Variants in EYS observed in about 807,000 individuals in gnomAD.
The protein encoded by EYS is EGF-like photoreceptor maintenance factor.
In EYS, 250 loss-of-function variants were observed where a neutral mutation model predicts 282.1. The observed-to-expected ratio is 0.89, with a 90% CI of 0.80 to 0.98. The LOEUF is 0.98. Among genes scored for constraint, EYS ranks in the 50% least tolerant of loss-of-function variants. The pLI is 0.00. For missense variants in EYS, 4,016 were observed against 3,709.0 expected, an observed-to-expected ratio of 1.08 and a Z score of -2.15; for synonymous variants, 1,355 against 1,282.9, an observed-to-expected ratio of 1.06 and a Z score of -1.20.
intron 12 of EYS, among the ~76,000 whole-genome samples, chr6:65,262,977 T>C (rs561671374): frequency 6.6e-6 from 1 of 152,254 alleles, no homozygotes; most frequent in South Asian, 2.1e-4. Context: ...GAAGTAGAAA[T>C]GGTTATTAAT....
At chr6:64,669,981 C>T (rs574011773) in intron 22 of EYS, among the ~76,000 whole-genome samples, 3 of 152,230 alleles carry the variant, frequency 2.0e-5, no homozygotes, top group South Asian at 4.1e-4. Flanking sequence ...AACTTTCTAG[C>T]CTTTGACATG....
chr6:64,041,471 GA>G (rs1377133263), intron 33 of EYS, among the ~76,000 whole-genome samples: 2 of 152,154 alleles, frequency 1.3e-5, no homozygotes, highest in Non-Finnish European at 2.9e-5. Context: ...TTTCTATGTA[GA>G]AAATGGTAAG....
At chr6:65,641,807 C>G (rs1767284689) in intron 1 of EYS, among the ~76,000 whole-genome samples, 1 of 151,974 alleles carries the variant, frequency 6.6e-6, no homozygotes, top group African/African-American at 2.4e-5. Context: ...TTCCCTGTTT[C>G]TGTTGATGTC....
chr6:65,194,499 T>C (rs1765717707), intron 12 of EYS, among the ~76,000 whole-genome samples: 1 of 152,034 alleles, frequency 6.6e-6, no homozygotes, highest in African/African-American at 2.4e-5. Flanking sequence ...TATACTTTTT[T>C]GCCTAGCCAT....
intron 26 of EYS, among the ~76,000 whole-genome samples, chr6:64,489,521 A>G (rs964757713): frequency 2.4e-4 from 35 of 147,726 alleles, no homozygotes; most frequent in Admixed American, 2.2e-3. Context: ...ATTTTATATT[A>G]AAATATCAAT....
rs556223067 is a variant in EYS, at chr6:64,310,948, A to G, written c.6079-3866T>C. On this transcript the variant is annotated intron_variant, in intron 29 of 42. Transcript: ENST00000503581. ...AAGAACAAATTTTCTGTAAGGCTAAATTTATCCAATCTTCATTTATTTCAA... is the reference window on the plus strand; with the variant it reads ...AAGAACAAATTTTCTGTAAGGCTAAGTTTATCCAATCTTCATTTATTTCAA... Among the ~76,000 whole-genome samples, 13 of 152,250 alleles carry G rather than the reference A, an allele frequency of 8.5e-5. 1 individual carries two copies. In the South Asian group the frequency reaches 2.3e-3, roughly 27 times the overall value.
intron 31 of EYS, among the ~76,000 whole-genome samples, chr6:64,199,591 C>G (rs1481512024): frequency 6.6e-6 from 1 of 152,136 alleles, no homozygotes; most frequent in Non-Finnish European, 1.5e-5. Flanking sequence ...TCTAATTAAA[C>G]TAGAGAGCTT....
At chr6:64,468,177 A>C (rs1483371965) in intron 26 of EYS, among the ~76,000 whole-genome samples, 1 of 152,160 alleles carries the variant, frequency 6.6e-6, no homozygotes, top group Non-Finnish European at 1.5e-5. Flanking sequence ...CAAGGACTGG[A>C]CTGCCTGGCA....
intron 31 of EYS, among the ~76,000 whole-genome samples, chr6:64,196,769 A>T (rs1765302016): frequency 6.6e-6 from 1 of 150,382 alleles, no homozygotes; most frequent in South Asian, 2.1e-4. Context: ...GGGGAGGGAT[A>T]GCATTAGGAG....
At chr6:65,081,447 A>T (rs1372754447) in intron 12 of EYS, among the ~76,000 whole-genome samples, 1 of 152,140 alleles carries the variant, frequency 6.6e-6, no homozygotes, top group African/African-American at 2.4e-5. Flanking sequence ...TTTTATTGTA[A>T]ATTTACAACA....
intron 19 of EYS, among the ~76,000 whole-genome samples, chr6:64,866,117 G>A (rs551022362): frequency 6.6e-6 from 1 of 151,836 alleles, no homozygotes; most frequent in African/African-American, 2.4e-5. Flanking sequence ...ATTACATTTA[G>A]CAATCTGCTT....
At chr6:65,586,559 T>C (rs1765055623) in intron 2 of EYS, among the ~76,000 whole-genome samples, 1 of 152,070 alleles carries the variant, frequency 6.6e-6, no homozygotes, top group Non-Finnish European at 1.5e-5. Flanking sequence ...CTGTGGAACA[T>C]TTGAGTAGCA....
At chr6:64,372,130 G>GTTTTTTTTTTTTTTTTTTTTT (rs201498090) in intron 29 of EYS, among the ~76,000 whole-genome samples, 17 of 97,712 alleles carry the variant, frequency 1.7e-4, no homozygotes, top group African/African-American at 2.8e-4. Flanking sequence ...GTATACTTGT[G>GTTTTTTTTTTTTTTTTTTTTT]TTTTTTTTTT....
intron 22 of EYS, among the ~76,000 whole-genome samples, chr6:64,794,628 T>C (rs1774298339): frequency 6.6e-6 from 1 of 152,198 alleles, no homozygotes; most frequent in Admixed American, 6.5e-5. Flanking sequence ...TGGTATGTCT[T>C]CATAGTAGTA....
chr6:65,402,732 A>G (rs1262405327), intron 6 of EYS, 127 bp from the exon 7 acceptor site: 8 of 607,976 alleles, frequency 1.3e-5, no homozygotes, highest in African/African-American at 1.3e-4. Flanking sequence ...TCTGTCAGCA[A>G]TGTGGCAGAT....
At chr6:65,425,624 C>T (rs1502990) in intron 5 of EYS, among the ~76,000 whole-genome samples, 9,711 of 152,130 alleles carry the variant, frequency 0.064, 424 homozygotes, top group African/African-American at 0.12. Flanking sequence ...TTGGATTTGA[C>T]TTCTTCTTAT....
chr6:65,410,436 A>G (rs1166276971), intron 5 of EYS, among the ~76,000 whole-genome samples: 1 of 152,002 alleles, frequency 6.6e-6, no homozygotes, highest in African/African-American at 2.4e-5. Context: ...TTTGTAATAT[A>G]TAGCACCTTA....
At chr6:64,547,923 G>A (rs1031595873) in intron 26 of EYS, among the ~76,000 whole-genome samples, 1 of 152,202 alleles carries the variant, frequency 6.6e-6, no homozygotes, top group Non-Finnish European at 1.5e-5. Flanking sequence ...GCTGGCCCAG[G>A]TGCTAAGCCC....
intron 22 of EYS, among the ~76,000 whole-genome samples, chr6:64,809,438 A>G (rs1236264860): frequency 6.6e-6 from 1 of 152,130 alleles, no homozygotes; most frequent in African/African-American, 2.4e-5. Flanking sequence ...CAGAAAAACT[A>G]GATAAAAGTT....
Sources: allele counts gnomAD v4.1 joint callset (sites outside exome capture counted in the v4.1 genomes callset), GRCh38; gene constraint gnomAD v4.1.1; transcripts MANE v1.5; gene names NCBI Gene and HGNC (gene_info 2026-07-23, HGNC 2026-07-21).